Variants in CNTN5 observed in about 807,000 individuals in gnomAD.
The protein encoded by CNTN5 is contactin 5.
CNTN5 carries 77 observed loss-of-function variants against 129.1 expected under a neutral mutation model. That is an observed-to-expected ratio of 0.60 (90% CI 0.50 to 0.72). CNTN5 has a LOEUF of 0.72. Among genes scored for constraint, CNTN5 ranks in the 30% least tolerant of loss-of-function variants. CNTN5 has a pLI of 0.00. For missense variants in CNTN5, 1,478 were observed against 1,328.8 expected, an observed-to-expected ratio of 1.11 and a Z score of -1.75; for synonymous variants, 509 against 465.6, an observed-to-expected ratio of 1.09 and a Z score of -1.20.
intron 2 of CNTN5, among the ~76,000 whole-genome samples, chr11:99,428,093 T>A (rs1394399387): frequency 3.3e-5 from 5 of 152,172 alleles, no homozygotes; most frequent in Non-Finnish European, 5.9e-5. Context: ...GCCAATAATT[T>A]ACTGTACAAA....
Position 99,091,021 on chromosome 11 carries a change from C to CAAAAAAAA in CNTN5, c.-210+69767_-210+69774dup, listed in dbSNP as rs68113369. Among the ~76,000 whole-genome samples, 492 of 56,744 alleles carry CAAAAAAAA rather than the reference C, an allele frequency of 8.7e-3. 28 individuals carry two copies. The highest frequency in any genetic ancestry group is 0.022 in the East Asian group (33 of 1,506). 37.2% of individuals were successfully genotyped at this position (56,744 alleles called of 152,430 possible). A position where few individuals can be genotyped will look rare whatever the true frequency, so the allele number is the denominator to read the frequency against. ...TGGGCGACAGAGCGAGACTCCGTCT[C>CAAAAAAAA]AAAAAAAAAAAAAAAAAAAAAAAGC... On this transcript the variant is annotated intron_variant, in intron 1 of 24. Transcript: ENST00000524871.
intron 1 of CNTN5, among the ~76,000 whole-genome samples, chr11:99,321,857 T>C (rs1210655337): frequency 6.6e-6 from 1 of 152,160 alleles, no homozygotes; most frequent in Admixed American, 6.6e-5. Flanking sequence ...TTGGGCACCA[T>C]GCATAACCTC....
At chr11:100,053,947 A>G (rs1464081659) in intron 9 of CNTN5, among the ~76,000 whole-genome samples, 1 of 151,828 alleles carries the variant, frequency 6.6e-6, no homozygotes, top group Non-Finnish European at 1.5e-5. Context: ...GAGAGACAGA[A>G]GACATACTCA....
chr11:99,847,571 A>G (rs1435120607), intron 6 of CNTN5, among the ~76,000 whole-genome samples: 1 of 152,226 alleles, frequency 6.6e-6, no homozygotes, highest in Non-Finnish European at 1.5e-5. Flanking sequence ...TGGTTAAAGC[A>G]GACAGTTACC....
At chr11:99,587,176 T>A (rs1323433631) in intron 3 of CNTN5, among the ~76,000 whole-genome samples, 2 of 152,150 alleles carry the variant, frequency 1.3e-5, no homozygotes, top group African/African-American at 4.8e-5. Flanking sequence ...GTATGGGTAA[T>A]CCGCTGGATA....
At chr11:100,169,132 G>C (rs925694236) in intron 13 of CNTN5, among the ~76,000 whole-genome samples, 1 of 151,934 alleles carries the variant, frequency 6.6e-6, no homozygotes, top group African/African-American at 2.4e-5. Context: ...ATCTATTCCT[G>C]GTGAAGATGC....
chr11:99,224,656 C>CTTTTTTT (rs1860579878), intron 1 of CNTN5, among the ~76,000 whole-genome samples: 4 of 38,022 alleles, frequency 1.1e-4, no homozygotes, highest in South Asian at 9.8e-4. Flanking sequence ...CCCAAGGTTG[C>CTTTTTTT]ATTTTTTTTT....
chr11:99,915,878 C>A (rs1949775795), intron 6 of CNTN5, among the ~76,000 whole-genome samples, 176 bp from the exon 7 acceptor site: 1 of 152,034 alleles, frequency 6.6e-6, no homozygotes, highest in African/African-American at 2.4e-5. Context: ...AGATTTATTT[C>A]CATTGTGGTA....
chr11:100,146,489 C>T (rs1946854969), intron 13 of CNTN5, among the ~76,000 whole-genome samples: 1 of 152,048 alleles, frequency 6.6e-6, no homozygotes, highest in Non-Finnish European at 1.5e-5. Context: ...ATTACAGAAA[C>T]AGCCTGTTAG....
intron 3 of CNTN5, among the ~76,000 whole-genome samples, chr11:99,801,834 T>C (rs1353744194): frequency 1.3e-5 from 2 of 152,192 alleles, no homozygotes; most frequent in Admixed American, 1.3e-4. Context: ...GCTTTAGTAG[T>C]TTCTCTGTGT....
At chr11:100,282,473 G>A (rs1950661246) in intron 18 of CNTN5, among the ~76,000 whole-genome samples, 2 of 152,190 alleles carry the variant, frequency 1.3e-5, no homozygotes, top group South Asian at 4.1e-4. Flanking sequence ...CTGGAGCTGG[G>A]GATGAAGTGA....
intron 3 of CNTN5, among the ~76,000 whole-genome samples, chr11:99,818,938 G>C (rs545888871): frequency 1.3e-5 from 2 of 152,064 alleles, no homozygotes; most frequent in South Asian, 4.1e-4. Context: ...GAGTGAATTT[G>C]ACTACTTTTC....
At chr11:100,180,412 CA>C (rs994119124) in intron 13 of CNTN5, among the ~76,000 whole-genome samples, 1 of 151,858 alleles carries the variant, frequency 6.6e-6, no homozygotes. Flanking sequence ...TATCCTGAGG[CA>C]AAAACAAAGA....
At chr11:100,352,370 C>T (rs1242661600) in intron 24 of CNTN5, among the ~76,000 whole-genome samples, 1 of 151,570 alleles carries the variant, frequency 6.6e-6, no homozygotes. Flanking sequence ...TTTTAAAAAA[C>T]TATACTGTGG....
At position 99,907,599 on chromosome 11, in the gene CNTN5, A is replaced by G. The variant is rs183342931; in HGVS notation, c.578-8455A>G. ...ATATTTTTACTTTATTTAAAAATAT[A>G]TCTTTTATTATATGTCAAACACTAT... On this transcript the variant is annotated intron_variant, in intron 6 of 24. Transcript: ENST00000524871. 2.6e-5 allele frequency among the ~76,000 whole-genome samples: 4 copies of G among 151,868 alleles called. No homozygotes were observed. In the South Asian group the frequency reaches 8.3e-4, roughly 31 times the overall value.
intron 1 of CNTN5, among the ~76,000 whole-genome samples, chr11:99,067,965 G>A (rs1865171856): frequency 6.6e-6 from 1 of 152,100 alleles, no homozygotes. Flanking sequence ...TAGTGAGTGA[G>A]TTATCAGGAG....
chr11:99,355,773 A>G lies in CNTN5; in HGVS notation c.-71+30289A>G, dbSNP rs965351398. Among the ~76,000 whole-genome samples the G allele has an allele frequency of 8.1e-5, 12 of 148,794 alleles. 1 individual carries two copies. Among genetic ancestry groups the G allele is most frequent in the Non-Finnish European group, 1.5e-4 (10 of 67,462 alleles). ...ACAGCCTATAATATCGGCCTTAACT[A>G]GTTTATTGTCCTCATGGTCACAAAT... On this transcript the variant is annotated intron_variant, in intron 2 of 24. Coordinates refer to ENST00000524871, the MANE Select transcript of CNTN5 (RefSeq NM_014361.4).
intron 1 of CNTN5, among the ~76,000 whole-genome samples, chr11:99,276,073 A>C (rs1336041382): frequency 5.9e-5 from 9 of 151,592 alleles, no homozygotes; most frequent in African/African-American, 2.2e-4. Flanking sequence ...GGGGAGTTAC[A>C]AAAAAACTGC....
chr11:99,827,531 A>G (rs1163029233), intron 4 of CNTN5, among the ~76,000 whole-genome samples: 3 of 152,346 alleles, frequency 2.0e-5, no homozygotes, highest in East Asian at 1.9e-4. Context: ...AAAATTTAAA[A>G]CAAGACTAGA....
Sources: gnomAD v4.1 joint callset for allele counts (sites outside exome capture counted in the v4.1 genomes callset) on GRCh38, gnomAD v4.1.1 for gene constraint, MANE v1.5 for transcripts, NCBI Gene and HGNC (gene_info 2026-07-23, HGNC 2026-07-21) for gene names.